Variants in GALNT13 observed in about 807,000 individuals in gnomAD.
GALNT13 encodes polypeptide N-acetylgalactosaminyltransferase 13.
Under a neutral mutation model 64.2 loss-of-function variants are expected in GALNT13, and 28 were observed. That is an observed-to-expected ratio of 0.44 (90% CI 0.32 to 0.60). GALNT13 has a LOEUF of 0.60. Among genes scored for constraint, GALNT13 ranks in the 20% least tolerant of loss-of-function variants. The pLI is 0.05. For synonymous variants in GALNT13, 214 were observed against 224.6 expected (o/e 0.95, Z 0.42); for missense variants, 577 against 669.8 (o/e 0.86, Z 1.53).
chr2:154,383,502 T>C (rs897583286), intron 9 of GALNT13, among the ~76,000 whole-genome samples: 1 of 152,012 alleles, frequency 6.6e-6, no homozygotes, highest in Non-Finnish European at 1.5e-5. Flanking sequence ...TTCCATAATA[T>C]AATCTCAGAT....
At chr2:153,569,885 A>G in the GALNT13 span, among the ~76,000 whole-genome samples, 1 of 152,160 alleles carries the variant, frequency 6.6e-6, no homozygotes, top group East Asian at 1.9e-4. Flanking sequence ...TCTGCTCTCT[A>G]TGTCCATGAG....
the GALNT13 span, among the ~76,000 whole-genome samples, chr2:153,612,118 TG>T: frequency 6.6e-6 from 1 of 152,170 alleles, no homozygotes; most frequent in East Asian, 1.9e-4. Context: ...GACGGGCATT[TG>T]GGTTGGTTCC....
chr2:153,957,843 C>T (rs1692678292), intron 3 of GALNT13, among the ~76,000 whole-genome samples: 2 of 152,030 alleles, frequency 1.3e-5, no homozygotes, highest in South Asian at 4.1e-4. Flanking sequence ...TTTTCCTTTG[C>T]TTTTTTCCCA....
the GALNT13 span, among the ~76,000 whole-genome samples, chr2:153,189,971 T>G: frequency 6.6e-6 from 1 of 152,168 alleles, no homozygotes; most frequent in Admixed American, 6.5e-5. Flanking sequence ...GTTGTCTGAT[T>G]TCTTTTATAA....
At chr2:153,215,353 A>T in the GALNT13 span, among the ~76,000 whole-genome samples, 1 of 152,122 alleles carries the variant, frequency 6.6e-6, no homozygotes, top group Non-Finnish European at 1.5e-5. Context: ...ACAGTGCATT[A>T]TCCAACATAA....
At chr2:154,431,691 G>A (rs763647726) in intron 11 of GALNT13, among the ~76,000 whole-genome samples, 7 of 152,178 alleles carry the variant, frequency 4.6e-5, no homozygotes, top group African/African-American at 1.2e-4. Context: ...TTGAATTGTA[G>A]CTCCCATAAT....
intron 4 of GALNT13, among the ~76,000 whole-genome samples, chr2:154,160,160 T>C (rs1475747270): frequency 6.6e-6 from 1 of 152,216 alleles, no homozygotes; most frequent in African/African-American, 2.4e-5. Flanking sequence ...CATTTTTAGA[T>C]ACTATGGTGC....
chr2:154,047,549 A>G (rs1334239997), intron 3 of GALNT13, among the ~76,000 whole-genome samples: 3 of 152,154 alleles, frequency 2.0e-5, no homozygotes, highest in African/African-American at 4.8e-5. Flanking sequence ...TCATCTGTAG[A>G]ACAAGAGTAA....
At chr2:154,019,970 C>T (rs1003509060) in intron 3 of GALNT13, among the ~76,000 whole-genome samples, 6 of 151,836 alleles carry the variant, frequency 4.0e-5, no homozygotes, top group Non-Finnish European at 8.8e-5. Context: ...TTTGTCCTTG[C>T]AATAGTTTGC....
At position 154,120,102 on chromosome 2, in the gene GALNT13, A is replaced by G. The variant is rs543692682; in HGVS notation, c.143-20235A>G. On this transcript the variant is annotated intron_variant, in intron 3 of 12. Transcript: ENST00000392825. ...TTGTTTGTTTTTTTGTCAGGGATAG[A>G]TCTTAACTATTTAATATAGCCTGTG... is the stretch of plus-strand genomic sequence containing the variant. 1.2e-3 allele frequency among the ~76,000 whole-genome samples: 184 copies of G among 152,006 alleles called. 1 individual carries two copies. The highest frequency in any genetic ancestry group is 3.1e-3 in the South Asian group (15 of 4,808).
chr2:154,164,723 C>A (rs1180847685), intron 4 of GALNT13, among the ~76,000 whole-genome samples: 2 of 151,876 alleles, frequency 1.3e-5, no homozygotes, highest in Non-Finnish European at 1.5e-5. Context: ...GCCTCAAATA[C>A]TAGAAATTTA....
chr2:153,807,524 A>G, the GALNT13 span, among the ~76,000 whole-genome samples: 12 of 151,974 alleles, frequency 7.9e-5, no homozygotes, highest in African/African-American at 2.9e-4. Flanking sequence ...TGAAAAATAT[A>G]AAGACCAGTG....
At chr2:153,573,112 C>A in the GALNT13 span, among the ~76,000 whole-genome samples, 2 of 152,036 alleles carry the variant, frequency 1.3e-5, no homozygotes, top group Admixed American at 1.3e-4. Context: ...CTTTATATAT[C>A]TGAGTGCTCC....
At chr2:154,181,578 C>T (rs572675312) in intron 4 of GALNT13, among the ~76,000 whole-genome samples, 4 of 151,994 alleles carry the variant, frequency 2.6e-5, no homozygotes, top group East Asian at 1.9e-4. Context: ...TAAATTTTTA[C>T]GATATGATAT....
the GALNT13 span, among the ~76,000 whole-genome samples, chr2:153,700,983 A>G: frequency 6.6e-6 from 1 of 151,262 alleles, no homozygotes; most frequent in Non-Finnish European, 1.5e-5. Context: ...ACAGAATTAG[A>G]AAAAAAAACT....
chr2:154,077,394 T>C (rs1701043220), intron 3 of GALNT13, among the ~76,000 whole-genome samples: 1 of 151,396 alleles, frequency 6.6e-6, no homozygotes, highest in Non-Finnish European at 1.5e-5. Context: ...CATGGAGAAG[T>C]GATCATGAGG....
At chr2:153,648,540 T>A in the GALNT13 span, among the ~76,000 whole-genome samples, 1 of 152,184 alleles carries the variant, frequency 6.6e-6, no homozygotes, top group Non-Finnish European at 1.5e-5. Flanking sequence ...CCCTGTCTTG[T>A]GCCCATTTTC....
At chr2:153,915,704 CA>C (rs36090222) in intron 2 of GALNT13, among the ~76,000 whole-genome samples, 95,806 of 151,716 alleles carry the variant, frequency 0.63, 30,556 homozygotes, top group East Asian at 0.82. Context: ...AGTTCTTTTC[CA>C]CAGTCTTAGC....
the GALNT13 span, among the ~76,000 whole-genome samples, chr2:153,721,752 G>A: frequency 1.3e-5 from 2 of 151,826 alleles, no homozygotes; most frequent in African/African-American, 4.9e-5. Context: ...AACAAGAGGA[G>A]CTAACTATCC....
Sources: allele counts gnomAD v4.1 joint callset (sites outside exome capture counted in the v4.1 genomes callset), GRCh38; gene constraint gnomAD v4.1.1; transcripts MANE v1.5; gene names NCBI Gene and HGNC (gene_info 2026-07-23, HGNC 2026-07-21).